The following CADM3 variants were observed in gnomAD, a reference collection of about 807,000 sequenced individuals.
CADM3 encodes the protein TSLC1-like 1.
Under a neutral mutation model 44.9 loss-of-function variants are expected in CADM3, and 11 were observed. The observed-to-expected ratio is 0.25, with a 90% CI of 0.15 to 0.41. The LOEUF is 0.41. Among genes scored for constraint, CADM3 ranks in the 10% least tolerant of loss-of-function variants. CADM3 has a pLI of 1.00. For missense variants in CADM3, 426 were observed against 512.0 expected, an observed-to-expected ratio of 0.83 and a Z score of 1.62; for synonymous variants, 207 against 205.2, an observed-to-expected ratio of 1.01 and a Z score of -0.08.
intron 3 of CADM3, 56 bp downstream of exon 3, chr1:159,192,786 C>T: frequency 1.9e-6 from 3 of 1,547,358 alleles, no homozygotes; most frequent in Non-Finnish European, 2.6e-6. Flanking sequence ...AACAAACCTC[C>T]CTAGATGGGT....
chr1:159,180,394 A>G (rs925836951), intron 1 of CADM3, among the ~76,000 whole-genome samples: 1 of 152,156 alleles, frequency 6.6e-6, no homozygotes, highest in African/African-American at 2.4e-5. Flanking sequence ...CCCCCATCAA[A>G]TAAGAGACAC....
chr1:159,196,380 G>A lies in CADM3; in HGVS notation c.708G>A (p.Met236Ile). 1 of 1,614,116 alleles carries A rather than the reference G, an allele frequency of 6.2e-7. No homozygotes were observed. The highest frequency in any genetic ancestry group is 8.5e-7 in the Non-Finnish European group (1 of 1,180,000). The change falls in exon 6 of 9, where the codon ATG becomes ATA. Residue 236 changes from methionine (M) to isoleucine (I), a missense_variant. Met to Ile is a conservative substitution (Grantham distance 10). This residue lies in a region of CADM3 where 362 missense variants were observed against 474.6 expected (regional missense o/e 0.76). Coordinates refer to ENST00000368125, the MANE Select transcript of CADM3 (RefSeq NM_001127173.3). ...RIEVLYTPTA[M>I]IRPDPPHPRE... ...TCTCCACAGACACACCAACTGCGAT[G>A]ATTAGGCCAGACCCTCCCCATCCTC...
chr1:159,178,002 A>G (rs139974406), intron 1 of CADM3, among the ~76,000 whole-genome samples: 1 of 152,332 alleles, frequency 6.6e-6, no homozygotes, highest in Non-Finnish European at 1.5e-5. Context: ...CAAGTCCTTG[A>G]TATCAAATGG....
chr1:159,197,074 A>C lies in CADM3; in HGVS notation c.952+14A>C. 1.9e-6 allele frequency: 3 copies of C among 1,610,674 alleles called. No homozygotes were observed. Among genetic ancestry groups the C allele is most frequent in the Non-Finnish European group, 2.5e-6 (3 of 1,177,482 alleles). Reference sequence around the variant, plus strand: ...TCAATGTTAATGGTAAGCCCTCCTCAGTTCTCTTCCTCCAGAATCTCCTTT... The same window carrying C: ...TCAATGTTAATGGTAAGCCCTCCTCCGTTCTCTTCCTCCAGAATCTCCTTT... On this transcript the variant is annotated intron_variant, in intron 7 of 8. Coordinates refer to ENST00000368125, the MANE Select transcript of CADM3 (RefSeq NM_001127173.3).
chr1:159,175,995 T>G (rs954860875), intron 1 of CADM3, among the ~76,000 whole-genome samples: 1 of 152,194 alleles, frequency 6.6e-6, no homozygotes, highest in African/African-American at 2.4e-5. Flanking sequence ...TTTCCTTAAA[T>G]CACTTGGTAG....
chr1:159,178,980 A>G (rs1395217992), intron 1 of CADM3, among the ~76,000 whole-genome samples: 4 of 152,188 alleles, frequency 2.6e-5, no homozygotes, highest in Admixed American at 2.6e-4. Context: ...TCATTTCTTC[A>G]TTTGAAACAA....
chr1:159,173,978 C>T (rs1165819598), intron 1 of CADM3, among the ~76,000 whole-genome samples: 1 of 152,204 alleles, frequency 6.6e-6, no homozygotes, highest in Non-Finnish European at 1.5e-5. Context: ...GTTACATCCT[C>T]ATATTTAGAA....
In CADM3 at chr1:159,192,614, C is replaced by G. The variant is rs748945624; in HGVS notation, c.266C>G (p.Thr89Arg). The change falls in exon 3 of 9, where the codon ACG (threonine) becomes AGG (arginine). Residue 89 changes from threonine (T) to arginine (R), a missense_variant. Thr to Arg is a moderately conservative substitution (Grantham distance 71, BLOSUM62 -1). Around this residue, in one of 2 missense-constraint regions of CADM3, gnomAD observed 362 missense variants for 474.6 expected, o/e 0.76. Coordinates refer to ENST00000368125, the MANE Select transcript of CADM3 (RefSeq NM_001127173.3). Reference protein sequence around the residue: ...RDNRIQLVTSTPHELSISISN... With the variant: ...RDNRIQLVTSRPHELSISISN... ...AATCGAATTCAGCTGGTTACCTCTA[C>G]GCCCCACGAGCTCAGCATCAGCATC... The G allele has an allele frequency of 6.2e-7, 1 of 1,614,064 alleles. No individual in the cohort carries two copies. Among genetic ancestry groups the G allele is most frequent in the African/African-American group, 1.3e-5 (1 of 74,916 alleles).
chr1:159,199,772 C>G lies in CADM3; in HGVS notation c.974C>G (p.Ser325Cys), dbSNP rs747448204. The G allele has an allele frequency of 6.2e-7, 1 of 1,614,004 alleles. No individual in the cohort carries two copies. Among genetic ancestry groups the G allele is most frequent in the African/African-American group, 1.3e-5 (1 of 74,890 alleles). The change falls in exon 8 of 9, where the codon TCC (serine) becomes TGC (cysteine). Residue 325 changes from serine to cysteine, a missense_variant. Transcript: ENST00000368125. ...CCAGACCCCAGTCCGGTGCCCTCCT[C>G]CTCCAGCACCTACCACGCCATCATC... Reference protein sequence around the residue: ...NVNDPSPVPSSSSTYHAIIGG... With the variant: ...NVNDPSPVPSCSSTYHAIIGG...
At chr1:159,182,983 G>A (rs1571010090) in intron 1 of CADM3, among the ~76,000 whole-genome samples, 1 of 152,176 alleles carries the variant, frequency 6.6e-6, no homozygotes, top group Non-Finnish European at 1.5e-5. Context: ...AGGCAAGCTA[G>A]CTAACTATCT....
intron 7 of CADM3, among the ~76,000 whole-genome samples, chr1:159,198,735 G>A (rs758591360): frequency 1.3e-5 from 2 of 152,056 alleles, no homozygotes; most frequent in African/African-American, 4.8e-5. Context: ...GGGCCCGTGC[G>A]AGTCCTCAGA....
chr1:159,188,508 C>A lies in CADM3; in HGVS notation c.89-3428C>A, dbSNP rs34069762. On this transcript the variant is annotated intron_variant, in intron 1 of 8. Transcript: ENST00000368125. ...TTTCTCCCCTCTCCTCCCCCACCTGCCTCTCCCCAGCTGGCTCTGAGTCGC... is the reference window on the plus strand; with the variant it reads ...TTTCTCCCCTCTCCTCCCCCACCTGACTCTCCCCAGCTGGCTCTGAGTCGC... Among the ~76,000 whole-genome samples the A allele has an allele frequency of 2.8e-3, 419 of 152,242 alleles. 3 individuals are homozygous for A. Among genetic ancestry groups the A allele is most frequent in the African/African-American group, 9.3e-3 (388 of 41,552 alleles).
intron 6 of CADM3, 84 bp downstream of exon 6, chr1:159,196,538 C>A: frequency 1.8e-6 from 2 of 1,086,124 alleles, no homozygotes; most frequent in South Asian, 1.4e-5. Context: ...TTCCTATCTC[C>A]TCTGTATTGT....
In CADM3 at chr1:159,194,028, A is replaced by G; in HGVS notation, c.679A>G (p.Ile227Val). 6.2e-7 allele frequency: 1 copy of G among 1,613,352 alleles called. No individual in the cohort carries two copies. The highest frequency in any genetic ancestry group is 8.5e-7 in the Non-Finnish European group (1 of 1,179,454). Residue 227 changes from isoleucine to valine, a missense_variant, in exon 5 of 9, where the codon ATT becomes GTT. Transcript: ENST00000368125. ...AGCTGACAGATCCACCTCTCAACGC[A>G]TTGAAGTTTTATGTATGTCATGGGC... ...KGADRSTSQR[I>V]EVLYTPTAMI...
At chr1:159,179,152 A>C (rs912578918) in intron 1 of CADM3, among the ~76,000 whole-genome samples, 1 of 152,198 alleles carries the variant, frequency 6.6e-6, no homozygotes, top group African/African-American at 2.4e-5. Flanking sequence ...GGTTTCAGAA[A>C]GGACTCAAAT....
intron 1 of CADM3, among the ~76,000 whole-genome samples, chr1:159,187,233 G>A (rs984706851): frequency 4.6e-5 from 7 of 152,200 alleles, no homozygotes; most frequent in Admixed American, 6.5e-5. Context: ...AATTACCAGA[G>A]CCAATTAAAT....
At chr1:159,191,858 G>T in intron 1 of CADM3, 78 bp from the exon 2 acceptor site, 1 of 1,564,994 alleles carries the variant, frequency 6.4e-7, no homozygotes. Context: ...GTCTGAACTA[G>T]ATGAGGTGTA....
At chr1:159,188,526 T>C (rs1251111563) in intron 1 of CADM3, among the ~76,000 whole-genome samples, 1 of 151,866 alleles carries the variant, frequency 6.6e-6, no homozygotes, top group Non-Finnish European at 1.5e-5. Context: ...CAGCTGGCTC[T>C]GAGTCGCGCT....
intron 1 of CADM3, 105 bp downstream of exon 1, chr1:159,171,958 G>A: frequency 1.5e-6 from 1 of 685,296 alleles, no homozygotes; most frequent in South Asian, 7.7e-5. Flanking sequence ...GTTTGGAACC[G>A]GGGTTAAAGT....
Sources: allele counts gnomAD v4.1 joint callset (sites outside exome capture counted in the v4.1 genomes callset), GRCh38; gene constraint gnomAD v4.1.1; regional missense constraint gnomAD v4.1.1; transcripts MANE v1.5; gene names NCBI Gene and HGNC (gene_info 2026-07-23, HGNC 2026-07-21).